The following RALGAPA2 variants were observed in gnomAD, a reference collection of about 807,000 sequenced individuals.
RALGAPA2 encodes the protein ral GTPase-activating protein subunit alpha-2.
RALGAPA2 carries 139 observed loss-of-function variants against 230.4 expected under a neutral mutation model. The ratio of observed to expected loss-of-function variants is 0.60; its 90% CI spans 0.53 to 0.69. The LOEUF (loss-of-function observed/expected upper bound fraction) is 0.69. Among genes scored for constraint, RALGAPA2 ranks in the 30% least tolerant of loss-of-function variants. The probability of loss-of-function intolerance (pLI) is 0.00; values close to 1 mark genes in which losing one functional copy is unlikely to be tolerated. For synonymous variants in RALGAPA2, 847 were observed against 837.8 expected (o/e 1.01, Z -0.19); for missense variants, 2,163 against 2,276.0 (o/e 0.95, Z 1.01).
intron 37 of RALGAPA2, among the ~76,000 whole-genome samples, chr20:20,447,905 TG>T (rs1445948280): frequency 4.6e-5 from 7 of 152,180 alleles, no homozygotes; most frequent in South Asian, 2.1e-4. Flanking sequence ...ATTCTACAAA[TG>T]TTAGAGAAGG....
intron 30 of RALGAPA2, among the ~76,000 whole-genome samples, chr20:20,522,580 A>G (rs1045573839): frequency 3.3e-5 from 5 of 152,226 alleles, no homozygotes; most frequent in African/African-American, 9.6e-5. Flanking sequence ...GGGGAGGCAC[A>G]GAGAAGGCTT....
chr20:20,543,267 G>A lies in RALGAPA2; in HGVS notation c.3285+3437C>T, dbSNP rs557057542. Among the ~76,000 whole-genome samples, 28 of 151,972 alleles carry A rather than the reference G, an allele frequency of 1.8e-4. 1 individual carries two copies. The South Asian group carries it at 5.0e-3, about 27-fold the overall frequency. Reference sequence around the variant, plus strand: ...TCACTGTGCTAACCAGGATGGTCTCGATCTCTTGACCTGATGATCTGTCTG... The same window carrying A: ...TCACTGTGCTAACCAGGATGGTCTCAATCTCTTGACCTGATGATCTGTCTG... On this transcript the variant is annotated intron_variant, in intron 24 of 39. Coordinates refer to ENST00000202677, the MANE Select transcript of RALGAPA2 (RefSeq NM_020343.4).
At chr20:20,617,139 T>C (rs1487762644) in intron 12 of RALGAPA2, among the ~76,000 whole-genome samples, 2 of 152,154 alleles carry the variant, frequency 1.3e-5, no homozygotes, top group African/African-American at 4.8e-5. Context: ...GCCTCTTAGG[T>C]CTCCTTTGTG....
At chr20:20,709,534 C>CA (rs2069760191) in intron 1 of RALGAPA2, among the ~76,000 whole-genome samples, 1 of 152,154 alleles carries the variant, frequency 6.6e-6, no homozygotes, top group Non-Finnish European at 1.5e-5. Flanking sequence ...TGGTAATACA[C>CA]AGGGTTTTTT....
At chr20:20,464,234 T>A (rs1253864112) in intron 37 of RALGAPA2, among the ~76,000 whole-genome samples, 3 of 152,204 alleles carry the variant, frequency 2.0e-5, no homozygotes, top group African/African-American at 7.2e-5. Flanking sequence ...AACCAGAGTT[T>A]GCGGACTTTC....
At chr20:20,465,138 C>T (rs2061387213) in intron 37 of RALGAPA2, among the ~76,000 whole-genome samples, 2 of 145,678 alleles carry the variant, frequency 1.4e-5, no homozygotes, top group Admixed American at 7.1e-5. Context: ...CTTCCCTCCC[C>T]CCGCAGGCCT....
chr20:20,642,248 T>C (rs2146521650), intron 5 of RALGAPA2, among the ~76,000 whole-genome samples: 1 of 152,004 alleles, frequency 6.6e-6, no homozygotes, highest in African/African-American at 2.4e-5. Context: ...TTTCACTCTG[T>C]TGCCCAGGCT....
At chr20:20,688,755 A>G (rs1204016628) in intron 1 of RALGAPA2, among the ~76,000 whole-genome samples, 1 of 152,256 alleles carries the variant, frequency 6.6e-6, no homozygotes, top group Non-Finnish European at 1.5e-5. Context: ...AGCAGAATTT[A>G]GATATACAGA....
intron 37 of RALGAPA2, among the ~76,000 whole-genome samples, chr20:20,450,643 G>A (rs944052626): frequency 1.3e-5 from 2 of 152,220 alleles, no homozygotes; most frequent in African/African-American, 4.8e-5. Flanking sequence ...CAGCTTCCTC[G>A]AGCTTCACTC....
chr20:20,408,930 G>A (rs1744682240), intron 38 of RALGAPA2, among the ~76,000 whole-genome samples: 1 of 152,226 alleles, frequency 6.6e-6, no homozygotes, highest in African/African-American at 2.4e-5. Flanking sequence ...ATCAATACAA[G>A]TAATGGATGG....
intron 3 of RALGAPA2, among the ~76,000 whole-genome samples, chr20:20,665,884 C>T (rs1156655067): frequency 6.6e-6 from 1 of 152,248 alleles, no homozygotes; most frequent in Non-Finnish European, 1.5e-5. Flanking sequence ...TAATTCACCA[C>T]CACAGGCAAC....
intron 3 of RALGAPA2, among the ~76,000 whole-genome samples, chr20:20,674,291 T>C (rs1347576646): frequency 6.6e-6 from 1 of 151,840 alleles, no homozygotes; most frequent in South Asian, 2.1e-4. Context: ...ATCATTATCA[T>C]CTCAATCAAG....
chr20:20,594,505 C>A (rs1227638939), intron 16 of RALGAPA2, among the ~76,000 whole-genome samples: 1 of 151,950 alleles, frequency 6.6e-6, no homozygotes, highest in East Asian at 1.9e-4. Flanking sequence ...ATATCAGTTA[C>A]AATAAAATTA....
chr20:20,404,726 CCT>C (rs1296034769), intron 38 of RALGAPA2, among the ~76,000 whole-genome samples: 2 of 152,330 alleles, frequency 1.3e-5, no homozygotes, highest in East Asian at 3.9e-4. Flanking sequence ...TAAAGCGTCC[CCT>C]GAGCTGTAAT....
intron 37 of RALGAPA2, among the ~76,000 whole-genome samples, chr20:20,450,571 A>G (rs1342225503): frequency 6.6e-6 from 1 of 152,242 alleles, no homozygotes; most frequent in Non-Finnish European, 1.5e-5. Context: ...GCGGCCATAG[A>G]GTCAGGTTGG....
rs1424796285 is a variant in RALGAPA2 at position 20,531,743 on chromosome 20, A to G, written c.3526T>C (p.Cys1176Arg). The G allele has an allele frequency of 1.2e-6, 2 of 1,609,130 alleles. No homozygotes were observed. The highest frequency in any genetic ancestry group is 1.7e-6 in the Non-Finnish European group (2 of 1,177,632). ...TCTTTCACCTGAGGGTGGCTTGTAC[A>G]CTGTGCAAGCTCTTCACATATCCAG... ...GVWICEELAQ[C>R]TSHPQVKEAI... is the part of the protein sequence containing the mutation. The change falls in exon 27 of 40, where the codon TGT becomes CGT. Residue 1176 changes from cysteine (C) to arginine (R), a missense_variant. Physicochemically the swap from Cys to Arg is radical, Grantham distance 180. Coordinates refer to ENST00000202677, the MANE Select transcript of RALGAPA2 (RefSeq NM_020343.4).
chr20:20,426,380 ATCTGGT>A (rs1019048579), intron 37 of RALGAPA2, among the ~76,000 whole-genome samples: 4 of 152,226 alleles, frequency 2.6e-5, no homozygotes, highest in Non-Finnish European at 5.9e-5. Context: ...CCTTCTGCTA[ATCTGGT>A]TCTAGGCTGT....
At chr20:20,548,847 C>T (rs1044125145) in intron 23 of RALGAPA2, among the ~76,000 whole-genome samples, 4 of 152,190 alleles carry the variant, frequency 2.6e-5, no homozygotes, top group Admixed American at 6.5e-5. Flanking sequence ...GGACTTGTCT[C>T]GGAATATCAG....
intron 12 of RALGAPA2, among the ~76,000 whole-genome samples, chr20:20,617,639 C>A (rs980286303): frequency 2.4e-4 from 36 of 152,132 alleles, no homozygotes; most frequent in Non-Finnish European, 7.4e-5. Flanking sequence ...AAAGGTACTG[C>A]ATGAGTATTT....
Sources: gnomAD v4.1 joint callset for allele counts (sites outside exome capture counted in the v4.1 genomes callset) on GRCh38, gnomAD v4.1.1 for gene constraint, MANE v1.5 for transcripts, NCBI Gene and HGNC (gene_info 2026-07-23, HGNC 2026-07-21) for gene names.